Variants in TRAF2 observed in about 807,000 individuals in gnomAD.
TRAF2 encodes TNF receptor associated factor 2, also known as TNF receptor-associated factor 2.
TRAF2 carries 6 observed loss-of-function variants against 55.6 expected under a neutral mutation model. The ratio of observed to expected loss-of-function variants is 0.11; its 90% CI spans 0.06 to 0.21. TRAF2 has a LOEUF of 0.21. Ranked by LOEUF, TRAF2 falls within the 10% of genes least tolerant of loss-of-function variation. The probability of loss-of-function intolerance (pLI) is 1.00; values close to 1 mark genes in which losing one functional copy is unlikely to be tolerated. For synonymous variants in TRAF2, 329 were observed against 276.3 expected (o/e 1.19, Z -1.89); for missense variants, 561 against 684.5 (o/e 0.82, Z 2.01).
At chr9:136,887,268 A>G (rs1849475206) in intron 1 of TRAF2, among the ~76,000 whole-genome samples, 3 of 152,178 alleles carry the variant, frequency 2.0e-5, no homozygotes, top group South Asian at 2.1e-4. Context: ...TAGAGCCGAG[A>G]AAAAGAGGAG....
chr9:136,925,598 T>A, intron 10 of TRAF2, 85 bp from the exon 11 acceptor site: 1 of 1,378,158 alleles, frequency 7.3e-7, no homozygotes, highest in East Asian at 2.3e-5. Context: ...CTCCTGCTGG[T>A]GGCCCTGCCA....
upstream of TRAF2, chr9:136,886,278 A>C: frequency 2.0e-6 from 1 of 490,612 alleles, no homozygotes; most frequent in Non-Finnish European, 2.6e-6. Context: ...AGGGCGACTT[A>C]GGTACCCACG....
rs1018134999 is a variant in TRAF2 at position 136,914,901 on chromosome 9, C to T, written c.604-1640C>T. The stretch of plus-strand genomic sequence containing the variant: ...GATTGCCCTTTAAAAAAAAAAAGGC[C>T]GGGTGCGGTGGCTCATGCCTGTTAT... On this transcript the variant is annotated intron_variant, in intron 6 of 10. Coordinates refer to ENST00000247668, the MANE Select transcript of TRAF2 (RefSeq NM_021138.4). Among the ~76,000 whole-genome samples, 25 of 152,064 alleles carry T rather than the reference C, an allele frequency of 1.6e-4. No homozygotes were observed. The East Asian group carries it at 2.7e-3, about 16-fold the overall frequency.
At chr9:136,904,909 G>A (rs1849911386) in intron 4 of TRAF2, among the ~76,000 whole-genome samples, 1 of 152,222 alleles carries the variant, frequency 6.6e-6, no homozygotes, top group Non-Finnish European at 1.5e-5. Flanking sequence ...CAGGGAGTTG[G>A]TTCCTTTAGC....
In TRAF2 at chr9:136,891,724, C is replaced by CTT. The variant is rs35674360; in HGVS notation, c.-29+5196_-29+5197dup. ...GGAAAAAAGAACGCTCACCCTGAAT[C>CTT]TTTTTTTTTTTTTTGAGACGAAGTT... On this transcript the variant is annotated intron_variant, in intron 1 of 10. Coordinates refer to ENST00000247668, the MANE Select transcript of TRAF2 (RefSeq NM_021138.4). Among the ~76,000 whole-genome samples, 137 of 144,686 alleles carry CTT rather than the reference C, an allele frequency of 9.5e-4. 1 individual carries two copies. The Middle Eastern group carries it at 0.014, about 15-fold the overall frequency. 94.9% of individuals were successfully genotyped at this position (144,686 alleles called of 152,430 possible). A position where few individuals can be genotyped will look rare whatever the true frequency, so the allele number is the denominator to read the frequency against.
rs12682696 is a variant in TRAF2, at chr9:136,898,691, C to T, written c.-28-22C>T. On this transcript the variant is annotated intron_variant, in intron 1 of 10. Transcript: ENST00000247668. ...GGACTGTTCTGGAATTGAGGTGTAA[C>T]GTGCTGTGTGTTCTTCCTTAGGGCT... 5,191 of 1,610,226 alleles carry T rather than the reference C, an allele frequency of 3.2e-3. 66 individuals carry two copies. Among genetic ancestry groups the T allele is most frequent in the East Asian group, 0.028 (1,242 of 44,870 alleles).
chr9:136,901,498 T>G (rs1034784853), intron 4 of TRAF2, among the ~76,000 whole-genome samples: 2 of 152,184 alleles, frequency 1.3e-5, no homozygotes, highest in Non-Finnish European at 2.9e-5. Flanking sequence ...CTGAGTGACA[T>G]GAGCCAGTTA....
chr9:136,916,669 C>G (rs1409195424), intron 7 of TRAF2, 54 bp downstream of exon 7: 7 of 1,551,852 alleles, frequency 4.5e-6, no homozygotes, highest in South Asian at 1.1e-5. Flanking sequence ...GTGTGGTCTT[C>G]ACTGCCTCCA....
At chr9:136,905,597 TTTA>T (rs1849928856) in intron 4 of TRAF2, among the ~76,000 whole-genome samples, 2 of 152,176 alleles carry the variant, frequency 1.3e-5, no homozygotes, top group African/African-American at 2.4e-5. Flanking sequence ...GATGATACAT[TTTA>T]TGTTTATCAT....
upstream of TRAF2, among the ~76,000 whole-genome samples, chr9:136,884,671 C>T (rs551120594): frequency 2.3e-4 from 35 of 152,346 alleles, no homozygotes; most frequent in African/African-American, 8.4e-4. Context: ...ATCTTCCTGC[C>T]TCAGCCTTCC....
chr9:136,890,909 G>T (rs370511681), intron 1 of TRAF2, among the ~76,000 whole-genome samples: 1 of 152,154 alleles, frequency 6.6e-6, no homozygotes, highest in East Asian at 1.9e-4. Context: ...GTCTGCCGGT[G>T]GTGGAGGACG....
intron 1 of TRAF2, among the ~76,000 whole-genome samples, chr9:136,887,857 T>C (rs1849489010): frequency 1.3e-5 from 2 of 152,152 alleles, no homozygotes; most frequent in South Asian, 2.1e-4. Flanking sequence ...TGGGGTTACA[T>C]ATAAAATTGT....
intron 4 of TRAF2, 89 bp from the exon 5 acceptor site, chr9:136,907,981 C>T (rs549368854): frequency 4.9e-5 from 74 of 1,500,012 alleles, no homozygotes; most frequent in Admixed American, 7.9e-5. Context: ...ACCAAGCCAG[C>T]GCTACATCGC....
chr9:136,904,862 C>G (rs1469597266), intron 4 of TRAF2, among the ~76,000 whole-genome samples: 3 of 152,094 alleles, frequency 2.0e-5, no homozygotes, highest in Non-Finnish European at 4.4e-5. Context: ...GGTCCTGTCC[C>G]GTCAGTGGGT....
At chr9:136,888,934 C>T (rs1182370731) in intron 1 of TRAF2, among the ~76,000 whole-genome samples, 1 of 151,902 alleles carries the variant, frequency 6.6e-6, no homozygotes, top group Non-Finnish European at 1.5e-5. Context: ...GGCACGATCT[C>T]GGCTCACTGC....
At chr9:136,881,972 A>G (rs926832993), upstream of TRAF2, 1 of 985,142 alleles carries the variant, frequency 1.0e-6, no homozygotes, top group Admixed American at 6.2e-5. Context: ...CAGGGCTGAC[A>G]TGCAAACGTC....
intron 6 of TRAF2, 22 bp downstream of exon 6, chr9:136,910,016 G>A: frequency 6.2e-7 from 1 of 1,611,176 alleles, no homozygotes; most frequent in East Asian, 2.2e-5. Flanking sequence ...TCACCTCCTT[G>A]GAGGACCGCA....
At chr9:136,895,623 G>C (rs762655744) in intron 1 of TRAF2, among the ~76,000 whole-genome samples, 9 of 152,182 alleles carry the variant, frequency 5.9e-5, no homozygotes, top group Non-Finnish European at 1.3e-4. Context: ...GGGAGGGCAA[G>C]GTTGGATCAC....
intron 7 of TRAF2, among the ~76,000 whole-genome samples, chr9:136,919,042 A>G (rs1782034812): frequency 7.2e-6 from 1 of 138,326 alleles, no homozygotes; most frequent in Admixed American, 7.2e-5. Flanking sequence ...GCCTATTTTA[A>G]TATTTATTTA....
Sources: allele counts gnomAD v4.1 joint callset (sites outside exome capture counted in the v4.1 genomes callset), GRCh38; gene constraint gnomAD v4.1.1; transcripts MANE v1.5; gene names NCBI Gene and HGNC (gene_info 2026-07-23, HGNC 2026-07-21).